Variants in TAFA1 observed in about 807,000 individuals in gnomAD.
The protein encoded by TAFA1 is chemokine-like protein TAFA-1.
Under a neutral mutation model 18.5 loss-of-function variants are expected in TAFA1, and 4 were observed. That is an observed-to-expected ratio of 0.22 (90% CI 0.11 to 0.49). The LOEUF is 0.49. Among genes scored for constraint, TAFA1 ranks in the 20% least tolerant of loss-of-function variants. TAFA1 has a pLI of 0.98. For synonymous variants in TAFA1, 56 were observed against 55.2 expected (o/e 1.01, Z -0.06); for missense variants, 147 against 169.0 (o/e 0.87, Z 0.72).
intron 2 of TAFA1, among the ~76,000 whole-genome samples, chr3:68,189,355 C>T (rs970186226): frequency 6.6e-6 from 1 of 151,904 alleles, no homozygotes; most frequent in Non-Finnish European, 1.5e-5. Flanking sequence ...TCAGACTGAT[C>T]TTTACTACCA....
At chr3:68,520,499 A>C (rs1165794632) in intron 3 of TAFA1, among the ~76,000 whole-genome samples, 1 of 152,252 alleles carries the variant, frequency 6.6e-6, no homozygotes, top group Non-Finnish European at 1.5e-5. Context: ...TGCAGAAATC[A>C]TGTCAGAAAC....
intron 2 of TAFA1, among the ~76,000 whole-genome samples, chr3:68,243,166 A>T (rs113868266): frequency 6.6e-6 from 1 of 152,100 alleles, no homozygotes; most frequent in African/African-American, 2.4e-5. Context: ...ATAAATTCAT[A>T]GGAAATTACA....
intron 2 of TAFA1, among the ~76,000 whole-genome samples, chr3:68,171,214 G>A (rs2106959372): frequency 6.6e-6 from 1 of 152,216 alleles, no homozygotes; most frequent in Admixed American, 6.5e-5. Flanking sequence ...GTGTTGGAGT[G>A]ATACAATGTG....
intron 2 of TAFA1, among the ~76,000 whole-genome samples, chr3:68,091,481 G>C (rs1429597590): frequency 5.9e-5 from 9 of 152,048 alleles, no homozygotes; most frequent in Non-Finnish European, 1.3e-4. Flanking sequence ...AGATTCCTCA[G>C]TCTGCCAGGT....
chr3:68,246,188 C>A (rs943717625), intron 2 of TAFA1, among the ~76,000 whole-genome samples: 1 of 152,090 alleles, frequency 6.6e-6, no homozygotes, highest in South Asian at 2.1e-4. Context: ...AACAAACCTC[C>A]CAGGGGTCCC....
At chr3:68,036,075 A>G (rs915074540) in intron 2 of TAFA1, among the ~76,000 whole-genome samples, 6 of 152,144 alleles carry the variant, frequency 3.9e-5, no homozygotes, top group Admixed American at 3.9e-4. Context: ...GAAATGCTCC[A>G]CATATTGGGA....
intron 2 of TAFA1, among the ~76,000 whole-genome samples, chr3:68,337,354 CACTT>C (rs2068990006): frequency 6.6e-6 from 1 of 152,026 alleles, no homozygotes; most frequent in Non-Finnish European, 1.5e-5. Context: ...CATGAGACCT[CACTT>C]ACTGTCACGA....
chr3:68,057,475 G>C (rs921983989), intron 2 of TAFA1, among the ~76,000 whole-genome samples: 1 of 152,164 alleles, frequency 6.6e-6, no homozygotes, highest in Admixed American at 6.5e-5. Flanking sequence ...AATGTGCTAA[G>C]GTGGAAGCAA....
intron 2 of TAFA1, among the ~76,000 whole-genome samples, chr3:68,136,255 C>T (rs185786652): frequency 7.9e-5 from 12 of 152,136 alleles, no homozygotes; most frequent in African/African-American, 2.7e-4. Flanking sequence ...ATAAGCAACC[C>T]GAAAACAGAA....
At chr3:68,264,133 G>C (rs2067493081) in intron 2 of TAFA1, among the ~76,000 whole-genome samples, 1 of 152,072 alleles carries the variant, frequency 6.6e-6, no homozygotes, top group South Asian at 2.1e-4. Flanking sequence ...AGCCGGGCAT[G>C]GTGGTAGGCA....
intron 2 of TAFA1, among the ~76,000 whole-genome samples, chr3:68,008,903 A>G (rs1439251529): frequency 6.6e-6 from 1 of 151,984 alleles, no homozygotes; most frequent in African/African-American, 2.4e-5. Flanking sequence ...CTCATTCCCC[A>G]TTTATAGATA....
At chr3:68,003,609 T>G (rs565158082), upstream of TAFA1, among the ~76,000 whole-genome samples, 7 of 152,118 alleles carry the variant, frequency 4.6e-5, no homozygotes, top group South Asian at 1.5e-3. Flanking sequence ...ATACTATATT[T>G]CTGAAGAAGA....
intron 2 of TAFA1, among the ~76,000 whole-genome samples, chr3:68,332,323 T>C (rs1245527056): frequency 6.6e-6 from 1 of 151,612 alleles, no homozygotes; most frequent in African/African-American, 2.4e-5. Flanking sequence ...TAGGAGAAAA[T>C]ATAGTAGAAA....
intron 2 of TAFA1, among the ~76,000 whole-genome samples, chr3:68,158,594 G>A (rs1384244529): frequency 1.3e-5 from 2 of 151,948 alleles, no homozygotes; most frequent in African/African-American, 4.8e-5. Context: ...TCTTTATTCA[G>A]CTGAATATAA....
chr3:68,110,327 A>G (rs2065249662), intron 2 of TAFA1, among the ~76,000 whole-genome samples: 1 of 152,180 alleles, frequency 6.6e-6, no homozygotes, highest in South Asian at 2.1e-4. Context: ...TTATGGCTGC[A>G]TAGTATTCCA....
At chr3:68,063,318 G>A (rs6548958) in intron 2 of TAFA1, among the ~76,000 whole-genome samples, 142,579 of 152,266 alleles carry the variant, frequency 0.94, 66,878 homozygotes, top group South Asian at 0.97. Flanking sequence ...TTGAGCTAAC[G>A]GTGGGTCTCA....
chr3:68,442,436 G>A (rs975980870), intron 3 of TAFA1, among the ~76,000 whole-genome samples: 1 of 152,036 alleles, frequency 6.6e-6, no homozygotes, highest in Non-Finnish European at 1.5e-5. Context: ...CATTCATAAG[G>A]GCAGAGCACT....
At chr3:68,118,836 C>A (rs1172127594) in intron 2 of TAFA1, among the ~76,000 whole-genome samples, 3 of 152,118 alleles carry the variant, frequency 2.0e-5, no homozygotes, top group Non-Finnish European at 2.9e-5. Flanking sequence ...GCTATGAACA[C>A]AGATGTATAA....
chr3:68,156,657 C>G (rs2065870507), intron 2 of TAFA1, among the ~76,000 whole-genome samples: 1 of 152,034 alleles, frequency 6.6e-6, no homozygotes. Context: ...GTTCAGTGAC[C>G]TACATTTTGA....
Sources: allele counts gnomAD v4.1 joint callset (sites outside exome capture counted in the v4.1 genomes callset), GRCh38; gene constraint gnomAD v4.1.1; transcripts MANE v1.5; gene names NCBI Gene and HGNC (gene_info 2026-07-23, HGNC 2026-07-21).